KCMF1: variants seen among roughly 807,000 people sequenced by gnomAD.
KCMF1 encodes potassium channel modulatory factor 1.
Under a neutral mutation model 41.1 loss-of-function variants are expected in KCMF1, and 3 were observed. The ratio of observed to expected loss-of-function variants is 0.07; its 90% confidence interval spans 0.03 to 0.19. KCMF1 has a LOEUF of 0.19. Ranked by LOEUF, KCMF1 falls within the 10% of genes least tolerant of loss-of-function variation. KCMF1 has a pLI of 1.00. For missense variants in KCMF1, 286 were observed against 488.9 expected, an observed-to-expected ratio of 0.58 and a Z score of 3.91; for synonymous variants, 142 against 164.5, an observed-to-expected ratio of 0.86 and a Z score of 1.04.
intron 6 of KCMF1, 144 bp downstream of exon 6, chr2:85,049,792 A>C: frequency 1.5e-6 from 1 of 674,194 alleles, no homozygotes; most frequent in East Asian, 2.7e-5. Context: ...ATTAAAACGC[A>C]TATTCAGTAT....
chr2:84,996,022 C>CA (rs1335587258), intron 1 of KCMF1, among the ~76,000 whole-genome samples: 3 of 152,180 alleles, frequency 2.0e-5, no homozygotes, highest in Non-Finnish European at 4.4e-5. Flanking sequence ...GTATTGCCGT[C>CA]AATGTTGTTT....
chr2:85,052,566 C>T (rs1675833481), intron 6 of KCMF1, among the ~76,000 whole-genome samples: 2 of 152,200 alleles, frequency 1.3e-5, no homozygotes, highest in African/African-American at 2.4e-5. Flanking sequence ...GCAAGTCAGG[C>T]AGGTAGACCT....
chr2:84,980,430 A>G (rs190788341), intron 1 of KCMF1, among the ~76,000 whole-genome samples: 130 of 152,310 alleles, frequency 8.5e-4, no homozygotes, highest in African/African-American at 2.9e-3. Flanking sequence ...AAGTGAAAAC[A>G]CTGCCCAATG....
chr2:85,044,158 A>T (rs1257618089), intron 4 of KCMF1, among the ~76,000 whole-genome samples: 1 of 152,188 alleles, frequency 6.6e-6, no homozygotes, highest in East Asian at 1.9e-4. Flanking sequence ...AATTAGTTAA[A>T]TATGAAGAGG....
At position 85,005,026 on chromosome 2, in the gene KCMF1, C is replaced by G. The variant is rs369059033; in HGVS notation, c.17-22863C>G. Among the ~76,000 whole-genome samples the G allele has an allele frequency of 3.9e-5, 6 of 152,154 alleles. No individual in the cohort carries two copies. The East Asian group carries it at 5.8e-4, about 15-fold the overall frequency. ...GGTTCAAGTGATTCTTCTGCCTCAG[C>G]CTCCCAAGTAGCTGGGATTACGGGC... On this transcript the variant is annotated intron_variant, in intron 1 of 6. Coordinates refer to ENST00000409785, the MANE Select transcript of KCMF1 (RefSeq NM_020122.5).
At chr2:84,980,541 A>G (rs1236429058) in intron 1 of KCMF1, among the ~76,000 whole-genome samples, 2 of 152,178 alleles carry the variant, frequency 1.3e-5, no homozygotes, top group African/African-American at 2.4e-5. Flanking sequence ...AACCATGGTA[A>G]CTGCCTGTAG....
At position 84,979,788 on chromosome 2, in the gene KCMF1, T is replaced by A. The variant is rs1389629842; in HGVS notation, c.16+8321T>A. Among the ~76,000 whole-genome samples the A allele has an allele frequency of 3.3e-5, 5 of 152,250 alleles. No homozygotes were observed. The East Asian group carries it at 7.7e-4, about 23-fold the overall frequency. ...TCATTAAAATTGAGAAAAGAACCCG[T>A]AAGCAGTATACAGATCAGAGCATCT... On this transcript the variant is annotated intron_variant, in intron 1 of 6. Coordinates refer to ENST00000409785, the MANE Select transcript of KCMF1 (RefSeq NM_020122.5).
At chr2:85,019,818 G>GTA (rs1391285116) in intron 1 of KCMF1, among the ~76,000 whole-genome samples, 7 of 150,656 alleles carry the variant, frequency 4.6e-5, no homozygotes, top group Middle Eastern at 3.4e-3. Context: ...ATATACATAC[G>GTA]TATATATATA....
rs903422848 is a variant in KCMF1 at position 85,055,760 on chromosome 2, T to C, written c.*2351T>C. On this transcript the variant is annotated 3_prime_UTR_variant, in exon 7 of 7. Transcript: ENST00000409785. ...GAAAATCTTATTACTGGATGTACTA[T>C]TGAATAAAAATTAATTGCAAAGACT... 1 of 152,196 alleles carries C rather than the reference T, an allele frequency of 6.6e-6. No homozygotes were observed. The allele number at this position is 152,196 out of a possible 1,614,324, so 9.4% of individuals were successfully genotyped here.
At chr2:85,029,309 T>C (rs1357660545) in intron 2 of KCMF1, among the ~76,000 whole-genome samples, 1 of 152,110 alleles carries the variant, frequency 6.6e-6, no homozygotes, top group Non-Finnish European at 1.5e-5. Context: ...TGGCTGGTTA[T>C]GGTGGCTAAC....
chr2:85,029,645 T>G (rs1225822333), intron 2 of KCMF1, among the ~76,000 whole-genome samples: 1 of 151,388 alleles, frequency 6.6e-6, no homozygotes, highest in Non-Finnish European at 1.5e-5. Context: ...TAGAAGACAT[T>G]GTAAGAAAAT....
At chr2:84,983,514 C>G (rs965270827) in intron 1 of KCMF1, among the ~76,000 whole-genome samples, 3 of 151,440 alleles carry the variant, frequency 2.0e-5, no homozygotes, top group Non-Finnish European at 2.9e-5. Flanking sequence ...GTTTTTTTTG[C>G]TTGTTTGTTT....
At chr2:85,029,008 C>T (rs962736580) in intron 2 of KCMF1, among the ~76,000 whole-genome samples, 8 of 152,014 alleles carry the variant, frequency 5.3e-5, no homozygotes, top group African/African-American at 1.4e-4. Context: ...CTCACTCTGT[C>T]GCCCACGCTG....
rs72930921 is a variant in KCMF1 at position 85,052,822 on chromosome 2, C to T, written c.885-326C>T. Among the ~76,000 whole-genome samples the T allele has an allele frequency of 2.3e-3, 349 of 152,184 alleles. 3 individuals carry two copies. The highest frequency in any genetic ancestry group is 8.1e-3 in the African/African-American group (336 of 41,504). ...ATGAAATTCTGGTTAGATACTTTCC[C>T]AAGCATCTAATCTGTAAGAAATCCT... On this transcript the variant is annotated intron_variant, in intron 6 of 6. Transcript: ENST00000409785.
chr2:84,991,785 T>G (rs1056142259), intron 1 of KCMF1, among the ~76,000 whole-genome samples: 1 of 152,108 alleles, frequency 6.6e-6, no homozygotes, highest in Admixed American at 6.5e-5. Context: ...TCATAATACC[T>G]CCAACTGTGG....
chr2:85,003,043 T>C (rs1054418173), intron 1 of KCMF1, among the ~76,000 whole-genome samples: 11 of 152,354 alleles, frequency 7.2e-5, no homozygotes, highest in Middle Eastern at 3.4e-3. Context: ...CTTGTTTATT[T>C]GCTGGCATTT....
chr2:85,041,405 G>A (rs886870157), intron 3 of KCMF1, among the ~76,000 whole-genome samples: 1 of 152,100 alleles, frequency 6.6e-6, no homozygotes, highest in Non-Finnish European at 1.5e-5. Flanking sequence ...TGATGTCTCT[G>A]CTTCCCATTC....
In KCMF1 at chr2:85,027,983, T is replaced by C. The variant is rs780207878; in HGVS notation, c.111T>C (p.Tyr37=). Residue 37 remains tyrosine, a synonymous_variant, in exon 2 of 7, where the codon TAT becomes TAC. Coordinates refer to ENST00000409785, the MANE Select transcript of KCMF1 (RefSeq NM_020122.5). ...CYDYDLCASC[Y]ESGATTTRHT... is the part of the protein sequence containing the mutation. The stretch of plus-strand genomic sequence containing the variant: ...ATTACGATCTTTGTGCATCTTGTTA[T>C]GAAAGTGGTGCAACAACAACAAGGC... 1.2e-6 allele frequency: 2 copies of C among 1,612,740 alleles called. No individual in the cohort carries two copies. Among genetic ancestry groups the C allele is most frequent in the African/African-American group, 1.3e-5 (1 of 74,994 alleles).
intron 1 of KCMF1, among the ~76,000 whole-genome samples, chr2:85,023,549 C>T (rs752600084): frequency 1.3e-5 from 2 of 151,876 alleles, no homozygotes; most frequent in Non-Finnish European, 2.9e-5. Flanking sequence ...TGTCGATCTA[C>T]TGACCTTGTG....
Sources: gnomAD v4.1 joint callset for allele counts (sites outside exome capture counted in the v4.1 genomes callset) on GRCh38, gnomAD v4.1.1 for gene constraint, MANE v1.5 for transcripts, NCBI Gene and HGNC (gene_info 2026-07-23, HGNC 2026-07-21) for gene names.